The following HLTF variants were observed in gnomAD, a reference collection of about 807,000 sequenced individuals.
HLTF encodes helicase like transcription factor, also known as DNA-dependent ATPase/E3 ubiquitin-protein ligase HLTF.
HLTF carries 127 observed loss-of-function variants against 129.4 expected under a neutral mutation model. The ratio of observed to expected loss-of-function variants is 0.98; its 90% CI spans 0.85 to 1.14. HLTF has a LOEUF of 1.14. HLTF is among the 50% of genes most tolerant of loss of function. The pLI, the probability that HLTF is intolerant of heterozygous loss-of-function variation, is 0.00. For missense variants in HLTF, 1,139 were observed against 1,187.1 expected, an observed-to-expected ratio of 0.96 and a Z score of 0.60; for synonymous variants, 332 against 388.8, an observed-to-expected ratio of 0.85 and a Z score of 1.72.
intron 2 of HLTF, among the ~76,000 whole-genome samples, chr3:149,077,981 A>C (rs1417398898): frequency 2.0e-5 from 3 of 152,112 alleles, no homozygotes; most frequent in Non-Finnish European, 2.9e-5. Flanking sequence ...TAACAAACAC[A>C]CACTAATTAC....
chr3:149,078,372 C>T (rs1719566671), intron 2 of HLTF, among the ~76,000 whole-genome samples: 2 of 151,878 alleles, frequency 1.3e-5, no homozygotes, highest in South Asian at 4.2e-4. Flanking sequence ...ATAGCAAGAC[C>T]CCATTTCTAC....
rs772597752 is a variant in HLTF, at chr3:149,084,704, C to G, written c.206G>C (p.Gly69Ala). ...LFGSLRGHVV[G>A]LRYYTGVVNN... ...CACTACTCCCGTGTAATAGCGTAGT[C>G]CAACCACATGACCTCTCAAACTTCC... Residue 69 changes from glycine (G) to alanine (A), a missense_variant, in exon 2 of 25, where the codon GGA (glycine) becomes GCA (alanine). Physicochemically the swap from Gly to Ala is moderately conservative, Grantham distance 60. Coordinates refer to ENST00000310053, the MANE Select transcript of HLTF (RefSeq NM_003071.4). The G allele has an allele frequency of 1.9e-6, 3 of 1,613,562 alleles. No homozygotes were observed. In the South Asian group the frequency reaches 3.3e-5, roughly 18 times the overall value.
At chr3:149,079,372 CTAAAAAAAAAAA>C (rs1559884139) in intron 2 of HLTF, among the ~76,000 whole-genome samples, 2 of 9,064 alleles carry the variant, frequency 2.2e-4, no homozygotes, top group African/African-American at 8.2e-4. Flanking sequence ...ACGACAGTTT[CTAAAAAAAAAAA>C]AAAAAAAAAA....
rs1415650691 is a variant in HLTF at position 149,063,172 on chromosome 3, GC to G, written c.1160+258del. The G allele has an allele frequency of 2.2e-5, 10 of 456,996 alleles. No individual in the cohort carries two copies. The East Asian group carries it at 6.0e-4, about 28-fold the overall frequency. The allele number at this position is 456,996 out of a possible 1,614,324, so 28.3% of individuals were successfully genotyped here. A position where few individuals can be genotyped will look rare whatever the true frequency, so the allele number is the denominator to read the frequency against. On this transcript the variant is annotated intron_variant, in intron 10 of 24. Transcript: ENST00000310053. Reference sequence around the variant, plus strand: ...CCTCCCGGGTTCACGCCATTCTCCTGCCTCAGCCTCCTGGGTAACTGGGACT... The same window carrying G: ...CCTCCCGGGTTCACGCCATTCTCCTGCTCAGCCTCCTGGGTAACTGGGACT...
Position 149,086,484 on chromosome 3 carries a change from T to C in HLTF, c.-148A>G. On this transcript the variant is annotated 5_prime_UTR_variant, in exon 1 of 25. Transcript: ENST00000310053. ...CAGGAGCGCACGACTGAAAGGTAAG[T>C]CGCCGCGAGTCCAGTCAGACGTCGA... The C allele has an allele frequency of 1.2e-6, 1 of 806,214 alleles. No individual in the cohort carries two copies. Among genetic ancestry groups the C allele is most frequent in the Non-Finnish European group, 2.0e-6 (1 of 503,032 alleles). The allele number at this position is 806,214 out of a possible 1,614,324, so 49.9% of individuals were successfully genotyped here. A position where few individuals can be genotyped will look rare whatever the true frequency, so the allele number is the denominator to read the frequency against.
intron 13 of HLTF, chr3:149,059,315 C>A: frequency 5.9e-6 from 2 of 340,374 alleles, no homozygotes; most frequent in Non-Finnish European, 5.7e-6. Context: ...CTATGAATTA[C>A]AAAATATAAA....
At chr3:149,085,893 T>TAGG (rs541166104) in intron 1 of HLTF, among the ~76,000 whole-genome samples, 170 of 152,304 alleles carry the variant, frequency 1.1e-3, no homozygotes, top group African/African-American at 3.8e-3. Context: ...AAGTGGCGCA[T>TAGG]ATCTCTACTA....
chr3:149,071,353 C>G lies in HLTF; in HGVS notation c.793G>C (p.Glu265Gln). 1 of 1,612,848 alleles carries G rather than the reference C, an allele frequency of 6.2e-7. No individual in the cohort carries two copies. The change falls in exon 7 of 25, where the codon GAA (glutamate) becomes CAA (glutamine). Residue 265 changes from glutamate to glutamine, a missense_variant. Glu to Gln is a conservative substitution (Grantham distance 29). Coordinates refer to ENST00000310053, the MANE Select transcript of HLTF (RefSeq NM_003071.4). ...TTATAGTATAAGTCATTTCGCTGTT[C>G]CCAGAATGGTGGAAGTTCTTTGCTA... ...ENSKELPPFW[E>Q]QRNDLYYNTI...
Position 149,032,390 on chromosome 3 carries a change from A to G in HLTF, c.2878-18T>C. 2.1e-6 allele frequency: 3 copies of G among 1,410,252 alleles called. No individual in the cohort carries two copies. Among genetic ancestry groups the G allele is most frequent in the Non-Finnish European group, 2.9e-6 (3 of 1,050,984 alleles). 87.4% of individuals were successfully genotyped at this position (1,410,252 alleles called of 1,614,324 possible). A position where few individuals can be genotyped will look rare whatever the true frequency, so the allele number is the denominator to read the frequency against. Reference sequence around the variant, plus strand: ...ACAATGAACTTTAAAAAGAAAAAAAAAAGTTAAGTAGTTTTTAAGGCATAG... The same window carrying G: ...ACAATGAACTTTAAAAAGAAAAAAAGAAGTTAAGTAGTTTTTAAGGCATAG... On this transcript the variant is annotated intron_variant, in intron 24 of 24. Transcript: ENST00000310053.
In HLTF at chr3:149,041,522, G is replaced by A. The variant is rs764134229; in HGVS notation, c.2344C>T (p.Pro782Ser). 1.2e-6 allele frequency: 2 copies of A among 1,613,082 alleles called. No homozygotes were observed. The highest frequency in any genetic ancestry group is 1.3e-5 in the African/African-American group (1 of 74,988). Residue 782 changes from proline (P) to serine (S), a missense_variant, in exon 20 of 25, where the codon CCC becomes TCC. Physicochemically the swap from Pro to Ser is moderately conservative, Grantham distance 74. Transcript: ENST00000310053. The part of the protein sequence containing the change: ...ITHCAHVFCK[P>S]CICQVIQNEQ... ...TTCTGAATGACTTGGCAAATACAGG[G>A]TTTACAAAATACATGTGCACAATGT... is the stretch of plus-strand genomic sequence containing the variant.
chr3:149,071,300 G>A lies in HLTF; in HGVS notation c.846C>T (p.Asp282=), dbSNP rs143449509. The A allele has an allele frequency of 6.2e-7, 1 of 1,609,132 alleles. No homozygotes were observed. Among genetic ancestry groups the A allele is most frequent in the East Asian group, 2.2e-5 (1 of 44,776 alleles). The change falls in exon 7 of 25, where the codon GAC becomes GAT. Residue 282 remains aspartate (D), a synonymous_variant. Coordinates refer to ENST00000310053, the MANE Select transcript of HLTF (RefSeq NM_003071.4). ...YNTITNFSEK[D]RPENVHGGIL... The stretch of plus-strand genomic sequence containing the variant: ...TTCCTCCATGGACATTTTCTGGTCG[G>A]TCCTTCTCAGAAAAATTTGTTATTG...
At chr3:149,080,826 A>C (rs1302647911) in intron 2 of HLTF, among the ~76,000 whole-genome samples, 1 of 152,188 alleles carries the variant, frequency 6.6e-6, no homozygotes, top group Non-Finnish European at 1.5e-5. Flanking sequence ...ACATATAAAA[A>C]AACAAAAAGA....
rs2107945389 is a variant in HLTF at position 149,034,957 on chromosome 3, G to A, written c.2838C>T (p.Cys946=). ...CTTCTTGCTTCTGACCAAGTCTATG[G>A]CATCTGTCAAAGCACTGATCTTCAG... The part of the protein sequence containing the change: ...PAAEDQCFDR[C]HRLGQKQEVI... Residue 946 remains cysteine (C), a synonymous_variant, in exon 24 of 25, where the codon TGC becomes TGT. Coordinates refer to ENST00000310053, the MANE Select transcript of HLTF (RefSeq NM_003071.4). 1 of 1,613,786 alleles carries A rather than the reference G, an allele frequency of 6.2e-7. No individual in the cohort carries two copies. The highest frequency in any genetic ancestry group is 2.2e-5 in the East Asian group (1 of 44,852).
At chr3:149,064,976 G>C (rs1175975507) in intron 8 of HLTF, 110 bp from the exon 9 acceptor site, 8 of 548,326 alleles carry the variant, frequency 1.5e-5, no homozygotes, top group South Asian at 3.3e-5. Flanking sequence ...GACTTAAATT[G>C]CTACCCAATT....
intron 13 of HLTF, 35 bp from the exon 14 acceptor site, chr3:149,055,435 GT>G: frequency 7.2e-7 from 1 of 1,392,576 alleles, no homozygotes; most frequent in Non-Finnish European, 1.0e-6. Context: ...ACCTTTAGCT[GT>G]TTTTCTGAAA....
chr3:149,084,987 T>C, intron 1 of HLTF, 98 bp from the exon 2 acceptor site: 1 of 807,036 alleles, frequency 1.2e-6, no homozygotes, highest in South Asian at 1.7e-5. Flanking sequence ...GCAAATGAAA[T>C]CTTACATGGG....
rs201554369 is a variant in HLTF, at chr3:149,077,247, A to AAAATAAAT, written c.229-1208_229-1201dup. Among the ~76,000 whole-genome samples the AAAATAAAT allele has an allele frequency of 5.4e-3, 779 of 144,138 alleles. 7 individuals are homozygous for AAAATAAAT. The highest frequency in any genetic ancestry group is 0.011 in the Middle Eastern group (3 of 284). The allele number at this position is 144,138 out of a possible 152,430, so 94.6% of individuals were successfully genotyped here. ...TGGTGACAGAGCGAGACTTCATCTC[A>AAAATAAAT]AAATAAATAAATAAATAAATAAATA... On this transcript the variant is annotated intron_variant, in intron 2 of 24. Transcript: ENST00000310053.
chr3:149,055,687 T>G (rs1717373630), intron 13 of HLTF, among the ~76,000 whole-genome samples: 1 of 151,122 alleles, frequency 6.6e-6, no homozygotes, highest in African/African-American at 2.5e-5. Context: ...CGAACATTTG[T>G]TTTATGCAGT....
chr3:149,075,818 C>T, intron 3 of HLTF, 63 bp downstream of exon 3: 5 of 1,154,654 alleles, frequency 4.3e-6, no homozygotes, highest in Non-Finnish European at 6.1e-6. Context: ...ACAAGAAGCC[C>T]TAACAAGTTC....
Sources: gnomAD v4.1 joint callset for allele counts (sites outside exome capture counted in the v4.1 genomes callset) on GRCh38, gnomAD v4.1.1 for gene constraint, MANE v1.5 for transcripts, NCBI Gene and HGNC (gene_info 2026-07-23, HGNC 2026-07-21) for gene names.